The following HEATR3 variants were observed in gnomAD, a reference collection of about 807,000 sequenced individuals.
HEATR3 encodes the protein HEAT repeat-containing protein 3.
HEATR3 carries 56 observed loss-of-function variants against 72.8 expected under a neutral mutation model. That is an observed-to-expected ratio of 0.77 (90% confidence interval 0.62 to 0.96). The LOEUF (loss-of-function observed/expected upper bound fraction) is 0.96. Ranked by LOEUF, HEATR3 falls within the 40% of genes least tolerant of loss-of-function variation. The pLI is 0.00. For missense variants in HEATR3, 747 were observed against 831.4 expected (o/e 0.90, Z 1.25); for synonymous variants, 331 against 318.1 (o/e 1.04, Z -0.43).
At chr16:50,081,746 A>G (rs904306606) in intron 7 of HEATR3, among the ~76,000 whole-genome samples, 3 of 152,208 alleles carry the variant, frequency 2.0e-5, no homozygotes, top group African/African-American at 4.8e-5. Context: ...GTATAACCAC[A>G]AAGATATAAA....
In HEATR3 at chr16:50,105,468, A is replaced by T. The variant is rs1455043860; in HGVS notation, c.*407A>T. 2 of 154,716 alleles carry T rather than the reference A, an allele frequency of 1.3e-5. No individual in the cohort carries two copies. Among genetic ancestry groups the T allele is most frequent in the African/African-American group, 4.8e-5 (2 of 41,354 alleles). 9.6% of individuals were successfully genotyped at this position (154,716 alleles called of 1,614,324 possible). A position where few individuals can be genotyped will look rare whatever the true frequency, so the allele number is the denominator to read the frequency against. On this transcript the variant is annotated 3_prime_UTR_variant, in exon 15 of 15. Transcript: ENST00000299192. ...CAGAGGGAGACCCTGTCTCCAAAAA[A>T]AAAAAAAAAAAAAAACTTCAAAACC...
chr16:50,076,968 C>T (rs991509407), intron 6 of HEATR3, among the ~76,000 whole-genome samples: 9 of 147,410 alleles, frequency 6.1e-5, no homozygotes, highest in African/African-American at 1.3e-4. Context: ...CCCAGGTTCA[C>T]GCCATTCTCC....
At chr16:50,095,951 T>A (rs576101219) in intron 12 of HEATR3, among the ~76,000 whole-genome samples, 2 of 152,186 alleles carry the variant, frequency 1.3e-5, no homozygotes, top group Non-Finnish European at 2.9e-5. Context: ...GGATATTTCT[T>A]ATTATCCTTT....
intron 11 of HEATR3, among the ~76,000 whole-genome samples, chr16:50,089,668 CT>C (rs999641602): frequency 7.3e-5 from 11 of 151,392 alleles, no homozygotes; most frequent in African/African-American, 2.7e-4. Context: ...AGATGATATT[CT>C]TTTTTTTTCT....
chr16:50,098,134 T>A (rs1443844203), intron 12 of HEATR3: 2 of 152,078 alleles, frequency 1.3e-5, no homozygotes, highest in Non-Finnish European at 2.9e-5. Context: ...TAAAAAATGG[T>A]ACAATATTTT....
intron 4 of HEATR3, among the ~76,000 whole-genome samples, chr16:50,070,982 C>T (rs942774612): frequency 6.6e-6 from 1 of 152,150 alleles, no homozygotes; most frequent in Admixed American, 6.5e-5. Context: ...ATGGGGACCA[C>T]AGACCTTGGC....
chr16:50,071,556 C>T (rs1302450175), intron 4 of HEATR3, among the ~76,000 whole-genome samples: 2 of 152,128 alleles, frequency 1.3e-5, no homozygotes, highest in East Asian at 3.8e-4. Flanking sequence ...TACCTATGAG[C>T]CCTGTCTGTA....
chr16:50,094,681 T>C, intron 11 of HEATR3, 24 bp from the exon 12 acceptor site: 1 of 1,427,226 alleles, frequency 7.0e-7, no homozygotes, highest in Non-Finnish European at 9.4e-7. Context: ...AATGCAAATT[T>C]TATATTTCAT....
At chr16:50,091,893 T>G (rs112296407) in intron 11 of HEATR3, among the ~76,000 whole-genome samples, 1 of 137,364 alleles carries the variant, frequency 7.3e-6, no homozygotes, top group Non-Finnish European at 1.5e-5. Context: ...AAAAAAAAAA[T>G]ATCGTTCAAA....
intron 11 of HEATR3, among the ~76,000 whole-genome samples, chr16:50,093,573 C>T (rs1216673564): frequency 6.6e-6 from 1 of 152,246 alleles, no homozygotes; most frequent in East Asian, 1.9e-4. Context: ...GAGACCCCTG[C>T]GCACACATAA....
In HEATR3 at chr16:50,102,531, A is replaced by G. The variant is rs891009288; in HGVS notation, c.1920+96A>G. On this transcript the variant is annotated intron_variant, in intron 14 of 14. Transcript: ENST00000299192. ...CGCTGTGCAACTCAGAAGCATGTGC[A>G]TGACGAATCCCCATATGTAGCACAG... 2.6e-5 allele frequency: 28 copies of G among 1,075,260 alleles called. No homozygotes were observed. In the African/African-American group the frequency reaches 3.8e-4, roughly 15 times the overall value. The allele number at this position is 1,075,260 out of a possible 1,614,324, so 66.6% of individuals were successfully genotyped here.
intron 11 of HEATR3, among the ~76,000 whole-genome samples, chr16:50,089,388 GA>G (rs2037058543): frequency 1.3e-5 from 1 of 79,740 alleles, no homozygotes. Flanking sequence ...TACTTCCAGG[GA>G]TTGGTAGTCT....
intron 7 of HEATR3, among the ~76,000 whole-genome samples, chr16:50,082,757 C>CAA (rs60241022): frequency 2.3e-4 from 17 of 72,994 alleles, no homozygotes; most frequent in Middle Eastern, 9.6e-3. Context: ...CCCCATCTCT[C>CAA]AAAAAAAAAA....
Position 50,084,318 on chromosome 16 carries a change from C to T in HEATR3, c.1290+27C>T, listed in dbSNP as rs576140636. 6.2e-6 allele frequency: 10 copies of T among 1,604,976 alleles called. No individual in the cohort carries two copies. In the East Asian group the frequency reaches 6.7e-5, roughly 11 times the overall value. ...TAATCCATTTTCATTCTAGGCTTAC[C>T]GTGGAGCATGGGAAAGGCTTAAGCA... is the stretch of plus-strand genomic sequence containing the variant. On this transcript the variant is annotated intron_variant, in intron 9 of 14. Transcript: ENST00000299192.
chr16:50,084,784 T>C (rs566039184), intron 10 of HEATR3, 133 bp downstream of exon 10: 5 of 627,622 alleles, frequency 8.0e-6, no homozygotes, highest in African/African-American at 5.5e-5. Context: ...CAGAAAAATA[T>C]GTGCCCACAT....
chr16:50,102,917 A>C (rs1244310667), intron 14 of HEATR3, among the ~76,000 whole-genome samples: 1 of 151,926 alleles, frequency 6.6e-6, no homozygotes, highest in Admixed American at 6.6e-5. Context: ...TGTCCACCAC[A>C]TCACCCAAAT....
intron 3 of HEATR3, 24 bp downstream of exon 3, chr16:50,068,891 G>C: frequency 6.4e-7 from 1 of 1,565,064 alleles, no homozygotes. Flanking sequence ...ACAGTATCTT[G>C]ATGGTAGCTT....
At chr16:50,081,799 A>G (rs1191551551) in intron 7 of HEATR3, among the ~76,000 whole-genome samples, 1 of 152,228 alleles carries the variant, frequency 6.6e-6, no homozygotes, top group East Asian at 1.9e-4. Flanking sequence ...GTGGGGGCAC[A>G]TGCAAAAGTA....
intron 12 of HEATR3, among the ~76,000 whole-genome samples, chr16:50,095,815 AT>A (rs1303635877): frequency 2.6e-5 from 4 of 152,108 alleles, no homozygotes. Context: ...TTCCTGGAGT[AT>A]TTTAAAGCAA....
Sources: allele counts gnomAD v4.1 joint callset (sites outside exome capture counted in the v4.1 genomes callset), GRCh38; gene constraint gnomAD v4.1.1; transcripts MANE v1.5; gene names NCBI Gene and HGNC (gene_info 2026-07-23, HGNC 2026-07-21).